Variants in ROBO1 observed in about 807,000 individuals in gnomAD.
ROBO1 encodes the protein roundabout guidance receptor 1, also known as roundabout homolog 1.
ROBO1 carries 149 observed loss-of-function variants against 195.9 expected under a neutral mutation model. The ratio of observed to expected loss-of-function variants is 0.76; its 90% CI spans 0.67 to 0.87. The LOEUF (loss-of-function observed/expected upper bound fraction) is 0.87, where lower values mean the gene tolerates loss of function less well. ROBO1 is among the 40% of genes least tolerant of loss of function. The pLI is 0.00. For synonymous variants in ROBO1, 816 were observed against 733.2 expected (o/e 1.11, Z -1.82); for missense variants, 1,933 against 2,068.3 (o/e 0.93, Z 1.27).
chr3:78,761,847 C>A (rs1473979470), intron 4 of ROBO1, among the ~76,000 whole-genome samples: 1 of 152,080 alleles, frequency 6.6e-6, no homozygotes, highest in Non-Finnish European at 1.5e-5. Context: ...TTAAAATATT[C>A]ATTAAGTTTT....
chr3:78,846,517 C>T (rs1339727960), intron 4 of ROBO1, among the ~76,000 whole-genome samples: 5 of 152,050 alleles, frequency 3.3e-5, no homozygotes, highest in Non-Finnish European at 7.4e-5. Flanking sequence ...CATCTTTTCA[C>T]ATTTTATTTT....
At chr3:79,259,392 G>A (rs369090356) in intron 2 of ROBO1, among the ~76,000 whole-genome samples, 19 of 152,034 alleles carry the variant, frequency 1.2e-4, no homozygotes, top group African/African-American at 4.3e-4. Context: ...TGCCCATCTC[G>A]GCCTCCCATA....
intron 1 of ROBO1, among the ~76,000 whole-genome samples, chr3:79,685,103 T>G (rs1189501086): frequency 6.6e-6 from 1 of 152,176 alleles, no homozygotes; most frequent in Non-Finnish European, 1.5e-5. Flanking sequence ...AAACCAATTG[T>G]GTAAAAAATA....
chr3:79,310,532 C>A lies in ROBO1; in HGVS notation c.89-184993G>T, dbSNP rs114941668. 3.0e-3 allele frequency among the ~76,000 whole-genome samples: 463 copies of A among 152,200 alleles called. 2 individuals carry two copies. The highest frequency in any genetic ancestry group is 0.011 in the African/African-American group (441 of 41,520). On this transcript the variant is annotated intron_variant, in intron 2 of 30. Transcript: ENST00000464233. Reference sequence around the variant, plus strand: ...AATATAACTCTACATGGCAATTTTACGTTTTTCAGAGATGATTTATTCATT... The same window carrying A: ...AATATAACTCTACATGGCAATTTTAAGTTTTTCAGAGATGATTTATTCATT...
intron 2 of ROBO1, among the ~76,000 whole-genome samples, chr3:79,235,020 T>C (rs548409034): frequency 1.3e-5 from 2 of 152,260 alleles, no homozygotes; most frequent in African/African-American, 4.8e-5. Flanking sequence ...ATCAAATAAA[T>C]GCACATTTGA....
chr3:79,272,358 T>C (rs193075928), intron 2 of ROBO1, among the ~76,000 whole-genome samples: 1 of 152,112 alleles, frequency 6.6e-6, no homozygotes, highest in Non-Finnish European at 1.5e-5. Flanking sequence ...TGGAGCAAGA[T>C]GGCCAAGTAG....
intron 1 of ROBO1, among the ~76,000 whole-genome samples, chr3:79,686,857 G>GA (rs1231078407): frequency 6.6e-6 from 1 of 152,060 alleles, no homozygotes; most frequent in Non-Finnish European, 1.5e-5. Context: ...CACAGAATTG[G>GA]AAAAAACTAC....
intron 3 of ROBO1, among the ~76,000 whole-genome samples, chr3:79,092,443 G>A (rs866603172): frequency 2.0e-5 from 3 of 152,184 alleles, no homozygotes; most frequent in African/African-American, 7.2e-5. Context: ...AAGTGAAGAA[G>A]TCTAGGAAAA....
At chr3:79,123,080 A>C (rs1243063298) in intron 3 of ROBO1, among the ~76,000 whole-genome samples, 1 of 152,014 alleles carries the variant, frequency 6.6e-6, no homozygotes, top group Non-Finnish European at 1.5e-5. Flanking sequence ...TTACGTGAAA[A>C]TTGCATTGCA....
intron 2 of ROBO1, among the ~76,000 whole-genome samples, chr3:79,368,694 G>C (rs1478892034): frequency 6.6e-6 from 1 of 152,088 alleles, no homozygotes; most frequent in Admixed American, 6.5e-5. Context: ...CCCTGCTGCT[G>C]CTCCTTCCTC....
intron 3 of ROBO1, among the ~76,000 whole-genome samples, chr3:78,946,099 C>A (rs1347191557): frequency 1.3e-5 from 2 of 152,152 alleles, no homozygotes; most frequent in Non-Finnish European, 2.9e-5. Context: ...AAACACTCTG[C>A]AGGGTATTAT....
At chr3:79,604,117 A>G (rs535943367) in intron 1 of ROBO1, among the ~76,000 whole-genome samples, 21 of 152,136 alleles carry the variant, frequency 1.4e-4, no homozygotes, top group African/African-American at 4.8e-4. Context: ...ACATTCTGCT[A>G]TGCACTATTT....
chr3:79,034,554 C>T (rs985901684), intron 3 of ROBO1, among the ~76,000 whole-genome samples: 14 of 152,058 alleles, frequency 9.2e-5, no homozygotes, highest in African/African-American at 2.4e-4. Context: ...TAAAAGATGT[C>T]TATGGTGGTA....
intron 2 of ROBO1, 82 bp downstream of exon 2, chr3:79,589,742 G>T: frequency 8.9e-7 from 1 of 1,126,598 alleles, no homozygotes; most frequent in Non-Finnish European, 1.3e-6. Flanking sequence ...AACTTGATTT[G>T]CAACACACAC....
At chr3:78,631,109 G>C in intron 25 of ROBO1, 52 bp downstream of exon 25, 1 of 1,553,054 alleles carries the variant, frequency 6.4e-7, no homozygotes, top group Non-Finnish European at 8.8e-7. Context: ...GCTGAAAATG[G>C]GCTGAAACAA....
chr3:79,039,245 A>C (rs1034574338), intron 3 of ROBO1, among the ~76,000 whole-genome samples: 2 of 152,078 alleles, frequency 1.3e-5, no homozygotes, highest in Non-Finnish European at 2.9e-5. Context: ...GAGGTACTTT[A>C]TTTCTTTCTT....
intron 2 of ROBO1, among the ~76,000 whole-genome samples, chr3:79,501,755 A>T (rs1375386537): frequency 6.6e-6 from 1 of 152,216 alleles, no homozygotes; most frequent in African/African-American, 2.4e-5. Flanking sequence ...GCTTTTTTTA[A>T]AAAAACAAAT....
intron 2 of ROBO1, among the ~76,000 whole-genome samples, chr3:79,568,420 C>G (rs1323435096): frequency 6.7e-6 from 1 of 149,940 alleles, no homozygotes; most frequent in Non-Finnish European, 1.5e-5. Flanking sequence ...ACTGTGGATG[C>G]TTGAACTTTA....
chr3:78,852,347 C>A (rs1459211227), intron 4 of ROBO1, among the ~76,000 whole-genome samples: 3 of 152,118 alleles, frequency 2.0e-5, no homozygotes, highest in Admixed American at 1.3e-4. Flanking sequence ...TTTCTCTCTT[C>A]GGCATGGAAG....
Sources: allele counts gnomAD v4.1 joint callset (sites outside exome capture counted in the v4.1 genomes callset), GRCh38; gene constraint gnomAD v4.1.1; transcripts MANE v1.5; gene names NCBI Gene and HGNC (gene_info 2026-07-23, HGNC 2026-07-21).